The following PRELID2 variants were observed in gnomAD, a reference collection of about 807,000 sequenced individuals.
PRELID2 encodes the protein PRELI domain-containing protein 2.
PRELID2 carries 25 observed loss-of-function variants against 28.4 expected under a neutral mutation model. The ratio of observed to expected loss-of-function variants is 0.88; its 90% confidence interval spans 0.64 to 1.23. The LOEUF (loss-of-function observed/expected upper bound fraction) is 1.23. PRELID2 is among the 50% of genes most tolerant of loss of function. PRELID2 has a pLI of 0.00. For missense variants in PRELID2, 201 were observed against 214.4 expected, an observed-to-expected ratio of 0.94 and a Z score of 0.39; for synonymous variants, 76 against 71.6, an observed-to-expected ratio of 1.06 and a Z score of -0.31.
intron 1 of PRELID2, among the ~76,000 whole-genome samples, chr5:145,628,201 C>A (rs944030283): frequency 2.0e-5 from 3 of 150,800 alleles, no homozygotes; most frequent in African/African-American, 7.4e-5. Flanking sequence ...ATATATATAT[C>A]ATTTCCTCTC....
At chr5:145,395,557 A>G in the PRELID2 span, among the ~76,000 whole-genome samples, 16 of 152,298 alleles carry the variant, frequency 1.1e-4, no homozygotes, top group African/African-American at 3.1e-4. Context: ...AATTTATTAC[A>G]AAGTCCAGCC....
At chr5:145,507,001 CTG>C (rs2126637969) in intron 1 of PRELID2, among the ~76,000 whole-genome samples, 1 of 152,282 alleles carries the variant, frequency 6.6e-6, no homozygotes, top group Admixed American at 6.5e-5. Context: ...TCTCCCTCCT[CTG>C]GAAATATACA....
intron 1 of PRELID2, among the ~76,000 whole-genome samples, chr5:145,501,531 T>A (rs1200318039): frequency 6.6e-6 from 1 of 152,140 alleles, no homozygotes; most frequent in East Asian, 1.9e-4. Context: ...GTGGTGTGAA[T>A]AAGTCTCATG....
the PRELID2 span, among the ~76,000 whole-genome samples, chr5:145,310,468 C>G: frequency 1.3e-5 from 2 of 152,150 alleles, no homozygotes; most frequent in Admixed American, 1.3e-4. Flanking sequence ...CCATGTATGA[C>G]TTTTTAAACC....
downstream of PRELID2, among the ~76,000 whole-genome samples, chr5:145,752,262 G>C (rs1757142921): frequency 6.6e-6 from 1 of 152,182 alleles, no homozygotes. Flanking sequence ...GCACTTGACA[G>C]AACAATTAAC....
intron 1 of PRELID2, among the ~76,000 whole-genome samples, chr5:145,653,653 G>A (rs1754339690): frequency 6.6e-6 from 1 of 152,016 alleles, no homozygotes. Context: ...ATGACCACTG[G>A]GTACATAACG....
chr5:145,426,343 G>A, the PRELID2 span, among the ~76,000 whole-genome samples: 1 of 152,160 alleles, frequency 6.6e-6, no homozygotes, highest in African/African-American at 2.4e-5. Flanking sequence ...AAGGAATGAA[G>A]AATGGGGAGT....
At chr5:145,613,647 T>C (rs1581002881) in intron 1 of PRELID2, among the ~76,000 whole-genome samples, 2 of 152,060 alleles carry the variant, frequency 1.3e-5, no homozygotes, top group African/African-American at 4.8e-5. Flanking sequence ...AATTGTCTAT[T>C]CTTAACCCAC....
At chr5:145,293,177 C>T in the PRELID2 span, among the ~76,000 whole-genome samples, 2 of 152,152 alleles carry the variant, frequency 1.3e-5, no homozygotes, top group Admixed American at 6.6e-5. Flanking sequence ...ACTTGTCAAA[C>T]ACATGGCCAG....
chr5:145,315,729 C>T, the PRELID2 span, among the ~76,000 whole-genome samples: 2 of 151,970 alleles, frequency 1.3e-5, no homozygotes, highest in Non-Finnish European at 2.9e-5. Flanking sequence ...TAAAGTATGG[C>T]ACATCCATAT....
intron 5 of PRELID2, among the ~76,000 whole-genome samples, chr5:145,772,429 T>C (rs1758165828): frequency 6.6e-6 from 1 of 152,030 alleles, no homozygotes. Context: ...ATAGGCTGAG[T>C]GATTTGTAAA....
chr5:145,257,696 T>C, the PRELID2 span, among the ~76,000 whole-genome samples: 1 of 152,318 alleles, frequency 6.6e-6, no homozygotes, highest in East Asian at 1.9e-4. Flanking sequence ...TTTGTTAATA[T>C]TAGAAGTAGA....
chr5:145,236,581 C>T, the PRELID2 span, among the ~76,000 whole-genome samples: 16 of 152,150 alleles, frequency 1.1e-4, no homozygotes, highest in Non-Finnish European at 2.1e-4. Context: ...ATGTTCATCA[C>T]AAGCTTATTT....
intron 3 of PRELID2, chr5:145,819,235 T>C: frequency 1.5e-6 from 1 of 654,880 alleles, no homozygotes. Context: ...ACACACAGAA[T>C]CTCTCTTGGG....
At chr5:145,602,820 T>C (rs1360329995) in intron 1 of PRELID2, among the ~76,000 whole-genome samples, 2 of 151,670 alleles carry the variant, frequency 1.3e-5, no homozygotes, top group African/African-American at 4.8e-5. Context: ...AGCAACAAAA[T>C]GCGGGTGAAT....
At chr5:145,576,017 C>T (rs1753057661) in intron 1 of PRELID2, among the ~76,000 whole-genome samples, 1 of 152,122 alleles carries the variant, frequency 6.6e-6, no homozygotes, top group Non-Finnish European at 1.5e-5. Flanking sequence ...TTCTAGACAT[C>T]ACTTCTTCAG....
chr5:145,708,279 T>C (rs1051050632), intron 1 of PRELID2, among the ~76,000 whole-genome samples: 3 of 150,912 alleles, frequency 2.0e-5, no homozygotes, highest in African/African-American at 7.3e-5. Flanking sequence ...AAACCAGTAG[T>C]ACAGTAAGAA....
chr5:145,468,376 T>C (rs1580948386), downstream of PRELID2, among the ~76,000 whole-genome samples: 2 of 152,214 alleles, frequency 1.3e-5, no homozygotes, highest in African/African-American at 4.8e-5. Flanking sequence ...TCAATAAACA[T>C]ACGTGTGCAT....
chr5:145,689,206 A>G lies in PRELID2; in HGVS notation n.70+75725T>C, dbSNP rs373277727. Among the ~76,000 whole-genome samples the G allele has an allele frequency of 6.2e-4, 94 of 152,206 alleles. 1 individual carries two copies. Among genetic ancestry groups the G allele is most frequent in the African/African-American group, 2.0e-3 (84 of 41,446 alleles). The stretch of plus-strand genomic sequence containing the variant: ...TATTTCCCAGGAGTTCAGAGGGTCC[A>G]GCAAAGCTGGGATTTAGGCTTCCCA... On this transcript the variant is annotated intron_variant and non_coding_transcript_variant, in intron 1 of 2. Coordinates refer to the PRELID2 transcript ENST00000510259.
Sources: allele counts gnomAD v4.1 joint callset (sites outside exome capture counted in the v4.1 genomes callset), GRCh38; gene constraint gnomAD v4.1.1; transcripts MANE v1.5; gene names NCBI Gene and HGNC (gene_info 2026-07-23, HGNC 2026-07-21).